The following RHOJ variants were observed in gnomAD, a reference collection of about 807,000 sequenced individuals.
RHOJ encodes the protein ras homolog family member J.
A neutral mutation model predicts 23.4 loss-of-function variants in RHOJ; 11 were observed. That is an observed-to-expected ratio of 0.47 (90% confidence interval 0.30 to 0.78). RHOJ has a LOEUF of 0.78. Among genes scored for constraint, RHOJ ranks in the 30% least tolerant of loss-of-function variants. The probability of loss-of-function intolerance (pLI) is 0.08; values close to 1 mark genes in which losing one functional copy is unlikely to be tolerated. For synonymous variants in RHOJ, 102 were observed against 102.7 expected, an observed-to-expected ratio of 0.99 and a Z score of 0.04; for missense variants, 254 against 273.4, an observed-to-expected ratio of 0.93 and a Z score of 0.50.
At chr14:63,252,672 C>G (rs1011824533) in intron 1 of RHOJ, among the ~76,000 whole-genome samples, 11 of 152,162 alleles carry the variant, frequency 7.2e-5, no homozygotes, top group African/African-American at 2.7e-4. Context: ...ATCCCCCATA[C>G]CCCTGACTCT....
chr14:63,235,945 A>G (rs1894781722), intron 1 of RHOJ, among the ~76,000 whole-genome samples: 1 of 152,210 alleles, frequency 6.6e-6, no homozygotes. Flanking sequence ...TTTTGCTTGA[A>G]CAAGTATTCC....
intron 2 of RHOJ, among the ~76,000 whole-genome samples, chr14:63,274,149 T>G (rs1198435971): frequency 1.3e-5 from 2 of 152,200 alleles, no homozygotes; most frequent in Non-Finnish European, 2.9e-5. Context: ...CAGGCTCCAC[T>G]TGGAAGGACA....
At chr14:63,255,149 G>A (rs545441448) in intron 1 of RHOJ, among the ~76,000 whole-genome samples, 31 of 152,010 alleles carry the variant, frequency 2.0e-4, no homozygotes, top group Middle Eastern at 3.4e-3. Context: ...TCCCTTCTAC[G>A]CCTCAAATCC....
chr14:63,214,863 C>T (rs1017364479), intron 1 of RHOJ, among the ~76,000 whole-genome samples: 2 of 152,094 alleles, frequency 1.3e-5, no homozygotes, highest in African/African-American at 4.8e-5. Flanking sequence ...GGGTGAATCA[C>T]TCCGCAAATG....
intron 1 of RHOJ, among the ~76,000 whole-genome samples, chr14:63,265,993 G>A (rs547966730): frequency 3.1e-4 from 47 of 152,162 alleles, no homozygotes; most frequent in African/African-American, 1.0e-3. Flanking sequence ...CTGGGTAGCC[G>A]GCTTCAGAGA....
intron 1 of RHOJ, among the ~76,000 whole-genome samples, chr14:63,219,672 T>C (rs1894442897): frequency 6.6e-6 from 1 of 152,028 alleles, no homozygotes; most frequent in Non-Finnish European, 1.5e-5. Context: ...AAAACTTAGC[T>C]GTGTGTGCTG....
intron 2 of RHOJ, among the ~76,000 whole-genome samples, chr14:63,272,547 T>G (rs1895490213): frequency 1.3e-5 from 2 of 152,210 alleles, no homozygotes; most frequent in South Asian, 4.1e-4. Context: ...GCAAATGTGT[T>G]CTGAGAGGTA....
intron 2 of RHOJ, among the ~76,000 whole-genome samples, chr14:63,273,386 T>G (rs1895506135): frequency 6.6e-6 from 1 of 152,210 alleles, no homozygotes; most frequent in Non-Finnish European, 1.5e-5. Flanking sequence ...TAAAGGGATA[T>G]CTAGAGCTCA....
intron 2 of RHOJ, among the ~76,000 whole-genome samples, chr14:63,276,328 T>C (rs535974571): frequency 1.6e-3 from 239 of 152,326 alleles, no homozygotes; most frequent in African/African-American, 5.6e-3. Flanking sequence ...TAGCTAATCT[T>C]TAAGGCCTTT....
intron 1 of RHOJ, among the ~76,000 whole-genome samples, chr14:63,218,191 G>A (rs1894407773): frequency 6.6e-6 from 1 of 152,052 alleles, no homozygotes; most frequent in African/African-American, 2.4e-5. Context: ...ATCATTGTGG[G>A]ATCTTCATAT....
At chr14:63,280,626 C>A (rs918138733) in intron 2 of RHOJ, among the ~76,000 whole-genome samples, 1 of 151,892 alleles carries the variant, frequency 6.6e-6, no homozygotes, top group Non-Finnish European at 1.5e-5. Context: ...TATCAAACAC[C>A]ATGTTGTACA....
chr14:63,219,584 A>G (rs1398399748), intron 1 of RHOJ, among the ~76,000 whole-genome samples: 1 of 152,126 alleles, frequency 6.6e-6, no homozygotes, highest in African/African-American at 2.4e-5. Context: ...TTGGGAGGCC[A>G]AGGCGGGAGG....
chr14:63,255,251 C>A (rs1284041172), intron 1 of RHOJ, among the ~76,000 whole-genome samples: 2 of 152,172 alleles, frequency 1.3e-5, no homozygotes, highest in Non-Finnish European at 2.9e-5. Flanking sequence ...ACCATGCCCC[C>A]ACCCTCTTAA....
At chr14:63,231,730 G>A (rs1370256561) in intron 1 of RHOJ, among the ~76,000 whole-genome samples, 1 of 152,212 alleles carries the variant, frequency 6.6e-6, no homozygotes, top group African/African-American at 2.4e-5. Context: ...TTAAGCCAAT[G>A]CATCAATATA....
chr14:63,279,401 T>C (rs1372198220), intron 2 of RHOJ, among the ~76,000 whole-genome samples: 1 of 152,234 alleles, frequency 6.6e-6, no homozygotes, highest in Non-Finnish European at 1.5e-5. Context: ...TATATAAATA[T>C]GGTATGTGTA....
At position 63,204,750 on chromosome 14, in the gene RHOJ, G is replaced by A; in HGVS notation, c.-120G>A. 1 of 960,480 alleles carries A rather than the reference G, an allele frequency of 1.0e-6. No individual in the cohort carries two copies. Among genetic ancestry groups the A allele is most frequent in the Non-Finnish European group, 1.6e-6 (1 of 628,266 alleles). 59.5% of individuals were successfully genotyped at this position (960,480 alleles called of 1,614,324 possible). A position where few individuals can be genotyped will look rare whatever the true frequency, so the allele number is the denominator to read the frequency against. ...CTCGGACATGTCTGTATGATCCAAG[G>A]TACCCAAAGTCAGACAGAGTAAACT... On this transcript the variant is annotated 5_prime_UTR_variant, in exon 1 of 5. Coordinates refer to ENST00000316754, the MANE Select transcript of RHOJ (RefSeq NM_020663.5).
intron 1 of RHOJ, among the ~76,000 whole-genome samples, chr14:63,234,662 TGAAA>T (rs1476072358): frequency 6.6e-6 from 1 of 151,076 alleles, no homozygotes; most frequent in Non-Finnish European, 1.5e-5. Flanking sequence ...TATTTGAACA[TGAAA>T]GAGTTTAAAA....
intron 1 of RHOJ, among the ~76,000 whole-genome samples, chr14:63,256,700 C>G: frequency 6.6e-6 from 1 of 152,126 alleles, no homozygotes; most frequent in Non-Finnish European, 1.5e-5. Context: ...AACACTTTGG[C>G]AGGCCGAGGC....
intron 1 of RHOJ, among the ~76,000 whole-genome samples, chr14:63,242,594 G>A (rs927303292): frequency 2.0e-5 from 3 of 152,120 alleles, no homozygotes; most frequent in African/African-American, 7.2e-5. Flanking sequence ...AGGGGGTTTT[G>A]TTGGGAGTTG....
Sources: allele counts gnomAD v4.1 joint callset (sites outside exome capture counted in the v4.1 genomes callset), GRCh38; gene constraint gnomAD v4.1.1; transcripts MANE v1.5; gene names NCBI Gene and HGNC (gene_info 2026-07-23, HGNC 2026-07-21).